The following TIMD4 variants were observed in gnomAD, a reference collection of about 807,000 sequenced individuals.
TIMD4 encodes T-cell immunoglobulin and mucin domain-containing protein 4.
Under a neutral mutation model 41.2 loss-of-function variants are expected in TIMD4, and 31 were observed. The observed-to-expected ratio is 0.75, with a 90% CI of 0.57 to 1.01. The LOEUF (loss-of-function observed/expected upper bound fraction) is 1.01, where lower values mean the gene tolerates loss of function less well. TIMD4 is among the 50% of genes least tolerant of loss of function. The pLI is 0.00. For synonymous variants in TIMD4, 204 were observed against 177.1 expected (o/e 1.15, Z -1.21); for missense variants, 479 against 472.5 (o/e 1.01, Z -0.13).
chr5:156,922,119 A>C lies in TIMD4; in HGVS notation c.992T>G (p.Phe331Cys). Residue 331 changes from phenylalanine to cysteine, a missense_variant, in exon 7 of 9, where the codon TTT (phenylalanine) becomes TGT (cysteine). By Grantham distance (205) the Phe-to-Cys change is radical. Coordinates refer to ENST00000274532, the MANE Select transcript of TIMD4 (RefSeq NM_138379.3). ...PSLGFVLFAL[F>C]VAFLLRGKLM... ...CTTACCTCTCAGGAGAAACGCCACA[A>C]ACAATGCGAAGAGCACAAATCCCAA... 2.5e-6 allele frequency: 4 copies of C among 1,613,904 alleles called. No individual in the cohort carries two copies. The highest frequency in any genetic ancestry group is 3.4e-6 in the Non-Finnish European group (4 of 1,179,894).
At chr5:156,945,324 G>A (rs1167013932) in intron 5 of TIMD4, among the ~76,000 whole-genome samples, 1 of 152,216 alleles carries the variant, frequency 6.6e-6, no homozygotes, top group African/African-American at 2.4e-5. Flanking sequence ...TCTTAGGAAT[G>A]TGGGGACAAT....
intron 3 of TIMD4, among the ~76,000 whole-genome samples, chr5:156,951,260 G>A (rs1246852673): frequency 1.3e-5 from 2 of 152,192 alleles, no homozygotes; most frequent in Admixed American, 1.3e-4. Context: ...GCAAGCCAAG[G>A]AGAGAGGACT....
chr5:156,952,133 T>C (rs968364408), intron 2 of TIMD4, among the ~76,000 whole-genome samples: 11 of 151,834 alleles, frequency 7.2e-5, no homozygotes, highest in African/African-American at 2.7e-4. Context: ...CTACTAAAAA[T>C]ACAAAAATTA....
At chr5:156,958,962 A>C (rs757094282) in intron 1 of TIMD4, among the ~76,000 whole-genome samples, 1 of 151,498 alleles carries the variant, frequency 6.6e-6, no homozygotes, top group Non-Finnish European at 1.5e-5. Flanking sequence ...CCTTCTTGTA[A>C]AATAAATAAA....
In TIMD4 at chr5:156,954,464, A is replaced by C. The variant is rs371298031; in HGVS notation, c.351T>G (p.Pro117=). Residue 117 remains proline (P), a synonymous_variant, in exon 2 of 9, where the codon CCT becomes CCG. Coordinates refer to ENST00000274532, the MANE Select transcript of TIMD4 (RefSeq NM_138379.3). The part of the protein sequence containing the change: ...SGVYCCRIEV[P]GWFNDVKINV... ...TTATCTTTACATCGTTGAACCAGCC[A>C]GGCACTTCTATGCGGCAGCAGTACA... 3.7e-6 allele frequency: 6 copies of C among 1,614,086 alleles called. No individual in the cohort carries two copies. In the African/African-American group the frequency reaches 8.0e-5, roughly 22 times the overall value.
At chr5:156,959,827 G>T (rs1366072792) in intron 1 of TIMD4, among the ~76,000 whole-genome samples, 1 of 152,236 alleles carries the variant, frequency 6.6e-6, no homozygotes, top group East Asian at 1.9e-4. Context: ...ATCACCTGAG[G>T]TCAGGAGTTC....
chr5:156,949,287 C>T (rs557884549), intron 4 of TIMD4, among the ~76,000 whole-genome samples: 3 of 152,150 alleles, frequency 2.0e-5, no homozygotes, highest in Non-Finnish European at 2.9e-5. Context: ...AGAAGATTTG[C>T]GTGCATGAAA....
At chr5:156,937,087 A>G (rs944089180) in intron 5 of TIMD4, among the ~76,000 whole-genome samples, 1 of 152,180 alleles carries the variant, frequency 6.6e-6, no homozygotes, top group African/African-American at 2.4e-5. Flanking sequence ...ACTTTCACAT[A>G]CATTATCTCA....
intron 5 of TIMD4, among the ~76,000 whole-genome samples, chr5:156,940,695 A>G (rs1471704471): frequency 1.7e-4 from 25 of 146,316 alleles, no homozygotes; most frequent in Admixed American, 8.8e-4. Context: ...CCGTATGAGA[A>G]GTGAGGAGCC....
chr5:156,944,654 G>A (rs544827587), intron 5 of TIMD4, among the ~76,000 whole-genome samples: 3 of 152,046 alleles, frequency 2.0e-5, no homozygotes, highest in South Asian at 2.1e-4. Context: ...ACAGGTGCCC[G>A]CCACCACGCC....
intron 5 of TIMD4, among the ~76,000 whole-genome samples, chr5:156,935,293 T>G (rs923823712): frequency 6.6e-6 from 1 of 152,138 alleles, no homozygotes; most frequent in African/African-American, 2.4e-5. Context: ...TTTGCTGACC[T>G]CTACTCAGAA....
chr5:156,957,729 G>A (rs537030661), intron 1 of TIMD4, among the ~76,000 whole-genome samples: 9 of 152,276 alleles, frequency 5.9e-5, no homozygotes, highest in African/African-American at 1.7e-4. Context: ...TCAGGAGGCT[G>A]AGGCAGGAGG....
chr5:156,955,112 G>A (rs1486163636), intron 1 of TIMD4, among the ~76,000 whole-genome samples: 1 of 152,096 alleles, frequency 6.6e-6, no homozygotes, highest in Non-Finnish European at 1.5e-5. Flanking sequence ...TTTAGCGTAA[G>A]TTTTGATGTG....
chr5:156,939,250 C>T (rs977780211), intron 5 of TIMD4, among the ~76,000 whole-genome samples: 10 of 152,178 alleles, frequency 6.6e-5, no homozygotes, highest in African/African-American at 2.4e-4. Flanking sequence ...TAGTTTTTCT[C>T]CTTTATCGTG....
intron 2 of TIMD4, among the ~76,000 whole-genome samples, chr5:156,953,370 T>C (rs1222797965): frequency 4.6e-5 from 7 of 152,010 alleles, no homozygotes; most frequent in Non-Finnish European, 1.0e-4. Flanking sequence ...AACTTGAGAA[T>C]ATAGGCCGGG....
At chr5:156,948,988 C>T (rs1410146547) in intron 4 of TIMD4, among the ~76,000 whole-genome samples, 1 of 152,212 alleles carries the variant, frequency 6.6e-6, no homozygotes, top group Non-Finnish European at 1.5e-5. Flanking sequence ...TCCTCACATG[C>T]ATGAAGTTAT....
rs781389391 is a variant in TIMD4 at position 156,954,738 on chromosome 5, GTC to G, written c.75_76del (p.Glu25AspfsTer47). On this transcript the variant is annotated frameshift_variant, in exon 2 of 9. Transcript: ENST00000274532. LOFTEE classifies it high-confidence loss of function. ...GTGACCCAAAACCTCCGTCACAACA[GTC>G]TCTGAAGTGACTGGTGCTGCAAGGA... The G allele has an allele frequency of 7.3e-5, 118 of 1,610,414 alleles. No homozygotes were observed. Among genetic ancestry groups the G allele is most frequent in the Non-Finnish European group, 9.4e-5 (111 of 1,177,686 alleles).
At chr5:156,960,325 C>A (rs1309818124) in intron 1 of TIMD4, among the ~76,000 whole-genome samples, 1 of 151,218 alleles carries the variant, frequency 6.6e-6, no homozygotes, top group Non-Finnish European at 1.5e-5. Flanking sequence ...TACATCCAAA[C>A]AAACCCATAC....
chr5:156,951,400 A>G, intron 3 of TIMD4, 112 bp downstream of exon 3: 2 of 1,305,530 alleles, frequency 1.5e-6, no homozygotes, highest in Non-Finnish European at 2.1e-6. Context: ...AGACTAATAT[A>G]CGCATGTGTA....
Sources: gnomAD v4.1 joint callset for allele counts (sites outside exome capture counted in the v4.1 genomes callset) on GRCh38, gnomAD v4.1.1 for gene constraint, MANE v1.5 for transcripts, NCBI Gene and HGNC (gene_info 2026-07-23, HGNC 2026-07-21) for gene names.